Variants in PAG1 observed in about 807,000 individuals in gnomAD.
PAG1 encodes phosphoprotein associated with glycosphingolipid-enriched microdomains 1.
PAG1 carries 23 observed loss-of-function variants against 31.7 expected under a neutral mutation model. That is an observed-to-expected ratio of 0.73 (90% CI 0.52 to 1.03). The LOEUF (loss-of-function observed/expected upper bound fraction) is 1.03, where lower values mean the gene tolerates loss of function less well. PAG1 is among the 50% of genes least tolerant of loss of function. The pLI, the probability that PAG1 is intolerant of heterozygous loss-of-function variation, is 0.00. For synonymous variants in PAG1, 214 were observed against 210.3 expected (o/e 1.02, Z -0.15); for missense variants, 473 against 540.7 (o/e 0.87, Z 1.24).
At chr8:80,980,866 T>C (rs1807286119) in intron 7 of PAG1, among the ~76,000 whole-genome samples, 1 of 152,218 alleles carries the variant, frequency 6.6e-6, no homozygotes, top group Non-Finnish European at 1.5e-5. Context: ...TTTATACTTC[T>C]ACAGTTTGCT....
At chr8:81,042,354 C>T (rs73694027) in intron 2 of PAG1, among the ~76,000 whole-genome samples, 5,890 of 152,264 alleles carry the variant, frequency 0.039, 153 homozygotes, top group South Asian at 0.1. Flanking sequence ...TGATCACTAA[C>T]TGCAAAACAC....
intron 3 of PAG1, among the ~76,000 whole-genome samples, chr8:81,006,609 C>T (rs1807881630): frequency 6.6e-6 from 1 of 152,150 alleles, no homozygotes; most frequent in Admixed American, 6.5e-5. Context: ...ACCTCATGCA[C>T]CAAAAAGAAT....
At position 81,031,403 on chromosome 8, in the gene PAG1, G is replaced by A. The variant is rs185339713; in HGVS notation, c.-174-1314C>T. ...TAGACAACTGAGTTCCCAAGCCATC[G>A]TTCCACTCTTTTATTAGACTTCAAG... is the stretch of plus-strand genomic sequence containing the variant. On this transcript the variant is annotated intron_variant, in intron 2 of 8. Coordinates refer to ENST00000220597, the MANE Select transcript of PAG1 (RefSeq NM_018440.4). Among the ~76,000 whole-genome samples the A allele has an allele frequency of 3.9e-5, 6 of 152,274 alleles. No homozygotes were observed. The East Asian group carries it at 5.8e-4, about 15-fold the overall frequency.
chr8:81,083,268 G>C (rs1196076944), intron 1 of PAG1, among the ~76,000 whole-genome samples: 4 of 152,112 alleles, frequency 2.6e-5, no homozygotes, highest in Non-Finnish European at 5.9e-5. Context: ...GTTCCCACAT[G>C]ATGTCCACTA....
chr8:80,993,781 T>C (rs557683806), intron 3 of PAG1, among the ~76,000 whole-genome samples: 15 of 151,298 alleles, frequency 9.9e-5, no homozygotes, highest in South Asian at 2.1e-4. Flanking sequence ...AATATTTTTA[T>C]TTTTTGTAGA....
At chr8:81,011,319 C>T (rs2130670674) in intron 3 of PAG1, among the ~76,000 whole-genome samples, 1 of 152,210 alleles carries the variant, frequency 6.6e-6, no homozygotes, top group East Asian at 1.9e-4. Context: ...GGAGTGGTTT[C>T]CCCCATACTG....
intron 7 of PAG1, among the ~76,000 whole-genome samples, chr8:80,981,166 CA>C (rs1807292517): frequency 6.6e-6 from 1 of 152,084 alleles, no homozygotes; most frequent in Admixed American, 6.6e-5. Flanking sequence ...GGCTGCACCC[CA>C]GGCCTTTCTA....
chr8:81,032,773 T>C (rs1808397636), intron 2 of PAG1, among the ~76,000 whole-genome samples: 1 of 152,208 alleles, frequency 6.6e-6, no homozygotes, highest in African/African-American at 2.4e-5. Flanking sequence ...TGCACATAGA[T>C]ATTCACAGAA....
chr8:80,989,122 A>G (rs1187441717), intron 5 of PAG1, among the ~76,000 whole-genome samples: 2 of 152,210 alleles, frequency 1.3e-5, no homozygotes, highest in Non-Finnish European at 2.9e-5. Context: ...AGCCAGTAAT[A>G]CACAGCAGAT....
chr8:81,033,775 T>C (rs1264779063), intron 2 of PAG1, among the ~76,000 whole-genome samples: 1 of 152,230 alleles, frequency 6.6e-6, no homozygotes, highest in Non-Finnish European at 1.5e-5. Context: ...CCAGCAGAAC[T>C]GAAACAGAGC....
chr8:81,072,444 T>C (rs1170527033), intron 1 of PAG1, among the ~76,000 whole-genome samples: 1 of 152,188 alleles, frequency 6.6e-6, no homozygotes, highest in Non-Finnish European at 1.5e-5. Context: ...TGCCCTGAGT[T>C]GTAATAAACA....
intron 5 of PAG1, among the ~76,000 whole-genome samples, chr8:80,989,303 A>T (rs1807489301): frequency 6.6e-6 from 1 of 152,218 alleles, no homozygotes; most frequent in African/African-American, 2.4e-5. Flanking sequence ...ATGGGCAGGC[A>T]TGGGTGTGGG....
intron 2 of PAG1, among the ~76,000 whole-genome samples, chr8:81,038,970 T>A (rs1808508046): frequency 6.6e-6 from 1 of 152,204 alleles, no homozygotes; most frequent in Admixed American, 6.5e-5. Flanking sequence ...ACACATGAAC[T>A]AATGTATGTT....
intron 1 of PAG1, among the ~76,000 whole-genome samples, chr8:81,092,072 G>A (rs745318248): frequency 1.3e-4 from 20 of 151,066 alleles, no homozygotes; most frequent in Non-Finnish European, 2.4e-4. Flanking sequence ...GTAAATCCAG[G>A]CTGGGTGCAA....
At chr8:81,064,466 G>T (rs1289278628) in intron 2 of PAG1, among the ~76,000 whole-genome samples, 2 of 152,158 alleles carry the variant, frequency 1.3e-5, no homozygotes, top group African/African-American at 4.8e-5. Flanking sequence ...TCCTATAGGA[G>T]TGCATAATTA....
intron 2 of PAG1, among the ~76,000 whole-genome samples, chr8:81,050,319 A>G (rs1375255856): frequency 1.3e-5 from 2 of 152,210 alleles, no homozygotes; most frequent in East Asian, 3.8e-4. Flanking sequence ...TACCTCATTC[A>G]TATACCCAAA....
intron 2 of PAG1, among the ~76,000 whole-genome samples, chr8:81,063,739 C>G (rs181210169): frequency 4.6e-5 from 7 of 152,278 alleles, no homozygotes; most frequent in Admixed American, 2.6e-4. Flanking sequence ...AGGAGGCAGA[C>G]AAGTCCCTCT....
chr8:81,097,191 G>T (rs1809541994), intron 1 of PAG1, among the ~76,000 whole-genome samples: 2 of 152,120 alleles, frequency 1.3e-5, no homozygotes, highest in Admixed American at 1.3e-4. Context: ...ACTGGGGGTG[G>T]GCCCTGGAAA....
Position 80,971,737 on chromosome 8 carries a change from T to A in PAG1, c.*4807A>T, listed in dbSNP as rs1361531797. The A allele has an allele frequency of 6.6e-6, 1 of 152,222 alleles. No individual in the cohort carries two copies. Among genetic ancestry groups the A allele is most frequent in the Non-Finnish European group, 1.5e-5 (1 of 68,036 alleles). The allele number at this position is 152,222 out of a possible 1,614,324, so 9.4% of individuals were successfully genotyped here. A position where few individuals can be genotyped will look rare whatever the true frequency, so the allele number is the denominator to read the frequency against. Reference sequence around the variant, plus strand: ...CATGTTACATTAAGAATTTGGAATATTATTTTTCAGTTAAGTCAAAGAAGA... The same window carrying A: ...CATGTTACATTAAGAATTTGGAATAATATTTTTCAGTTAAGTCAAAGAAGA... On this transcript the variant is annotated 3_prime_UTR_variant, in exon 9 of 9. Transcript: ENST00000220597.
Sources: gnomAD v4.1 joint callset for allele counts (sites outside exome capture counted in the v4.1 genomes callset) on GRCh38, gnomAD v4.1.1 for gene constraint, MANE v1.5 for transcripts, NCBI Gene and HGNC (gene_info 2026-07-23, HGNC 2026-07-21) for gene names.